SAFB: variants seen among roughly 807,000 people sequenced by gnomAD.
The protein encoded by SAFB is scaffold attachment factor B1.
In SAFB, 15 loss-of-function variants were observed where a neutral mutation model predicts 101.6. That is an observed-to-expected ratio of 0.15 (90% confidence interval 0.10 to 0.23). The LOEUF (loss-of-function observed/expected upper bound fraction) is 0.23, where lower values mean the gene tolerates loss of function less well. Ranked by LOEUF, SAFB falls within the 10% of genes least tolerant of loss-of-function variation. SAFB has a pLI of 1.00. For missense variants in SAFB, 930 were observed against 1,104.1 expected, an observed-to-expected ratio of 0.84 and a Z score of 2.23; for synonymous variants, 449 against 407.5, an observed-to-expected ratio of 1.10 and a Z score of -1.23.
At chr19:5,665,733 A>G (rs2054313941) in intron 17 of SAFB, 1 of 152,222 alleles carries the variant, frequency 6.6e-6, no homozygotes, top group Non-Finnish European at 1.5e-5. Flanking sequence ...GAGTCGTCAG[A>G]GTTACCCCAA....
Position 5,626,390 on chromosome 19 carries a change from T to C in SAFB, c.190-15T>C. The stretch of plus-strand genomic sequence containing the variant: ...CTGACTTTTTGGATCAACTTTACTT[T>C]TCCCTTCTTTTTAGGCAATTGAAGA... On this transcript the variant is annotated splice_polypyrimidine_tract_variant and intron_variant, in intron 1 of 20. Transcript: ENST00000588852. 1 of 1,523,688 alleles carries C rather than the reference T, an allele frequency of 6.6e-7. No homozygotes were observed. The highest frequency in any genetic ancestry group is 9.1e-7 in the Non-Finnish European group (1 of 1,097,808). The allele number at this position is 1,523,688 out of a possible 1,614,324, so 94.4% of individuals were successfully genotyped here.
chr19:5,658,702 G>A (rs763928397), intron 14 of SAFB, among the ~76,000 whole-genome samples: 2 of 151,764 alleles, frequency 1.3e-5, no homozygotes, highest in Non-Finnish European at 2.9e-5. Context: ...AATGAACTGG[G>A]CGTGGTGGCG....
intron 5 of SAFB, among the ~76,000 whole-genome samples, chr19:5,646,117 TAGG>T (rs1360751870): frequency 1.3e-5 from 2 of 152,214 alleles, no homozygotes; most frequent in Admixed American, 6.5e-5. Context: ...GGCTAATTCT[TAGG>T]AGAACTTTTT....
chr19:5,630,737 C>T (rs748477967), intron 2 of SAFB, among the ~76,000 whole-genome samples: 3 of 147,078 alleles, frequency 2.0e-5, no homozygotes, highest in Non-Finnish European at 4.4e-5. Flanking sequence ...GCCTGGGCGA[C>T]GAGTGAAGCT....
intron 13 of SAFB, among the ~76,000 whole-genome samples, chr19:5,656,972 C>T (rs1429104345): frequency 6.6e-6 from 1 of 151,886 alleles, no homozygotes; most frequent in African/African-American, 2.4e-5. Flanking sequence ...GGGGTTTCAC[C>T]GTGTTAGCCA....
chr19:5,628,140 A>G (rs922934041), intron 2 of SAFB, among the ~76,000 whole-genome samples: 2 of 152,076 alleles, frequency 1.3e-5, no homozygotes, highest in African/African-American at 2.4e-5. Flanking sequence ...AATCCCAGCT[A>G]CTCAGGAGGC....
At chr19:5,636,834 G>A (rs935509777) in intron 2 of SAFB, among the ~76,000 whole-genome samples, 3 of 151,688 alleles carry the variant, frequency 2.0e-5, no homozygotes, top group South Asian at 2.1e-4. Flanking sequence ...TCAGCCTCCC[G>A]AGTAGCTGGG....
intron 9 of SAFB, 140 bp downstream of exon 9, chr19:5,651,212 C>T (rs926335062): frequency 2.9e-5 from 16 of 557,660 alleles, no homozygotes; most frequent in Non-Finnish European, 4.5e-5. Flanking sequence ...AGGGTCTGCC[C>T]GTCCACAGGT....
In SAFB at chr19:5,641,776, A is replaced by T. The variant is rs761831306; in HGVS notation, c.376A>T (p.Ile126Phe). The change falls in exon 4 of 21, where the codon ATC becomes TTC. Residue 126 changes from isoleucine to phenylalanine, a missense_variant. Physicochemically the swap from Ile to Phe is conservative, Grantham distance 21. Coordinates refer to ENST00000588852, the MANE Select transcript of SAFB (RefSeq NM_001201338.2). Reference protein sequence around the residue: ...VETSLENLQDIDIMDISVLDE... With the variant: ...VETSLENLQDFDIMDISVLDE... ...GACCAGTCTGGAGAACTTGCAGGAC[A>T]TCGACATCATGGATATCAGTGTGTT... The T allele has an allele frequency of 6.2e-7, 1 of 1,614,160 alleles. No individual in the cohort carries two copies. The highest frequency in any genetic ancestry group is 1.1e-5 in the South Asian group (1 of 91,086).
At chr19:5,661,972 C>T (rs369884931) in intron 15 of SAFB, among the ~76,000 whole-genome samples, 164 bp downstream of exon 15, 2 of 151,684 alleles carry the variant, frequency 1.3e-5, no homozygotes, top group South Asian at 2.1e-4. Flanking sequence ...GCAAGCTCTG[C>T]CTCCCGGGTT....
At chr19:5,658,950 G>C (rs2054131620) in intron 14 of SAFB, among the ~76,000 whole-genome samples, 1 of 152,130 alleles carries the variant, frequency 6.6e-6, no homozygotes, top group African/African-American at 2.4e-5. Flanking sequence ...TTCAAGACCA[G>C]CCTGGCCAAC....
intron 4 of SAFB, chr19:5,642,150 A>C (rs2053730223): frequency 1.6e-6 from 1 of 644,248 alleles, no homozygotes; most frequent in African/African-American, 1.8e-5. Context: ...CTTGCTATCC[A>C]TTTGCGGCAT....
At chr19:5,645,482 G>T in intron 5 of SAFB, 83 bp downstream of exon 5, 1 of 678,622 alleles carries the variant, frequency 1.5e-6, no homozygotes, top group Non-Finnish European at 2.7e-6. Context: ...CCATATGCCA[G>T]TTCCAGCTAA....
chr19:5,666,842 T>C, intron 17 of SAFB: 1 of 657,886 alleles, frequency 1.5e-6, no homozygotes, highest in Non-Finnish European at 2.7e-6. Flanking sequence ...GTACCTTTTT[T>C]GTACCAGGCC....
chr19:5,656,905 G>A (rs1435136295), intron 13 of SAFB, among the ~76,000 whole-genome samples: 1 of 151,856 alleles, frequency 6.6e-6, no homozygotes, highest in Non-Finnish European at 1.5e-5. Context: ...CAAGTAGCTG[G>A]GACTACAAGC....
At chr19:5,662,493 CA>C (rs1027128388) in intron 15 of SAFB, among the ~76,000 whole-genome samples, 39 of 137,160 alleles carry the variant, frequency 2.8e-4, no homozygotes, top group Admixed American at 2.9e-4. Context: ...GACTCGGTCT[CA>C]AAAAAAAAAA....
chr19:5,650,068 T>G (rs2053903360), intron 8 of SAFB, 93 bp downstream of exon 8: 36 of 960,762 alleles, frequency 3.7e-5, no homozygotes, highest in Non-Finnish European at 4.9e-5. Flanking sequence ...CTATGCTCCT[T>G]ACCCAGGAGA....
At chr19:5,648,910 G>C in intron 6 of SAFB, 79 bp from the exon 7 acceptor site, 1 of 393,170 alleles carries the variant, frequency 2.5e-6, no homozygotes, top group South Asian at 1.8e-5. Context: ...TGTGGCAGCC[G>C]TGCCAGTTCC....
chr19:5,648,732 G>C, intron 6 of SAFB: 1 of 638,260 alleles, frequency 1.6e-6, no homozygotes, highest in Non-Finnish European at 2.8e-6. Context: ...AGACTGTCAA[G>C]AATCAGCCAG....
Sources: allele counts gnomAD v4.1 joint callset (sites outside exome capture counted in the v4.1 genomes callset), GRCh38; gene constraint gnomAD v4.1.1; transcripts MANE v1.5; gene names NCBI Gene and HGNC (gene_info 2026-07-23, HGNC 2026-07-21).